Variants in WWOX observed in about 807,000 individuals in gnomAD.
The protein encoded by WWOX is WW domain-containing oxidoreductase.
Under a neutral mutation model 46.2 loss-of-function variants are expected in WWOX, and 69 were observed. That is an observed-to-expected ratio of 1.49 (90% confidence interval 1.23 to 1.82). WWOX has a LOEUF of 1.82. WWOX is among the 40% of genes most tolerant of loss of function. The pLI is 0.00. For synonymous variants in WWOX, 359 were observed against 202.6 expected, an observed-to-expected ratio of 1.77 and a Z score of -6.56; for missense variants, 919 against 542.6, an observed-to-expected ratio of 1.69 and a Z score of -6.89.
At chr16:78,420,355 G>A (rs932440077) in intron 6 of WWOX, among the ~76,000 whole-genome samples, 1 of 152,024 alleles carries the variant, frequency 6.6e-6, no homozygotes, top group African/African-American at 2.4e-5. Flanking sequence ...GCCAATAAAT[G>A]GAAACAATCC....
At chr16:79,020,286 A>G (rs1045263366) in intron 8 of WWOX, among the ~76,000 whole-genome samples, 2 of 152,214 alleles carry the variant, frequency 1.3e-5, no homozygotes, top group African/African-American at 2.4e-5. Context: ...GCAGTCATGG[A>G]AGACTTCTTA....
intron 3 of WWOX, among the ~76,000 whole-genome samples, chr16:78,112,754 C>G (rs2032570389): frequency 6.8e-6 from 1 of 147,960 alleles, no homozygotes; most frequent in Non-Finnish European, 1.5e-5. Context: ...GGCTGAGGTG[C>G]AGTGACACAG....
chr16:79,199,568 A>G (rs1275046172), intron 8 of WWOX, among the ~76,000 whole-genome samples: 2 of 152,284 alleles, frequency 1.3e-5, no homozygotes, highest in African/African-American at 4.8e-5. Context: ...TATTAATACA[A>G]TGAGACTGTA....
At chr16:78,765,320 T>C (rs956831824) in intron 8 of WWOX, among the ~76,000 whole-genome samples, 1 of 152,188 alleles carries the variant, frequency 6.6e-6, no homozygotes, top group Non-Finnish European at 1.5e-5. Context: ...GGTAGAGGCG[T>C]TGAACACTAG....
intron 5 of WWOX, among the ~76,000 whole-genome samples, chr16:78,298,726 G>C (rs1049379321): frequency 5.3e-5 from 8 of 151,836 alleles, no homozygotes; most frequent in Non-Finnish European, 1.0e-4. Context: ...GGGAGGCGGA[G>C]GTTGTGGTGA....
At chr16:78,613,699 G>C (rs1374239986) in intron 8 of WWOX, among the ~76,000 whole-genome samples, 3 of 152,188 alleles carry the variant, frequency 2.0e-5, no homozygotes, top group African/African-American at 7.2e-5. Context: ...GTGACTGGAG[G>C]AAGGCCCCAG....
At chr16:78,759,207 C>A (rs75712047) in intron 8 of WWOX, among the ~76,000 whole-genome samples, 5,224 of 152,200 alleles carry the variant, frequency 0.034, 129 homozygotes, top group Non-Finnish European at 0.051. Flanking sequence ...AGTGTTAGAA[C>A]AGGGTAATCA....
At chr16:78,957,397 A>G (rs2046189087) in intron 8 of WWOX, among the ~76,000 whole-genome samples, 2 of 152,204 alleles carry the variant, frequency 1.3e-5, no homozygotes, top group South Asian at 4.1e-4. Context: ...CTTTAGTTGT[A>G]AAAACACCCA....
intron 5 of WWOX, among the ~76,000 whole-genome samples, chr16:78,179,180 G>A (rs2035449101): frequency 6.6e-6 from 1 of 152,204 alleles, no homozygotes; most frequent in Non-Finnish European, 1.5e-5. Flanking sequence ...TTTCAGTCAT[G>A]TATGATCCAT....
intron 8 of WWOX, among the ~76,000 whole-genome samples, chr16:79,034,702 T>C (rs984547747): frequency 3.3e-5 from 5 of 152,240 alleles, no homozygotes; most frequent in Non-Finnish European, 7.4e-5. Context: ...AAGCACTTAA[T>C]TATTTAAAAA....
At chr16:78,511,786 A>C (rs766128870) in intron 8 of WWOX, among the ~76,000 whole-genome samples, 13 of 152,098 alleles carry the variant, frequency 8.5e-5, no homozygotes, top group Non-Finnish European at 1.8e-4. Flanking sequence ...CCTCAGCTGG[A>C]CTCGATACTT....
intron 5 of WWOX, among the ~76,000 whole-genome samples, chr16:78,302,428 G>A (rs1285036370): frequency 1.3e-5 from 2 of 152,168 alleles, no homozygotes; most frequent in Admixed American, 1.3e-4. Context: ...ACAAGCCACA[G>A]CTATAGGTTT....
At chr16:79,200,134 C>T (rs1454738558) in intron 8 of WWOX, among the ~76,000 whole-genome samples, 1 of 152,156 alleles carries the variant, frequency 6.6e-6, no homozygotes, top group African/African-American at 2.4e-5. Context: ...GGGGAGGCAC[C>T]ATAGACCCCT....
intron 5 of WWOX, among the ~76,000 whole-genome samples, chr16:78,178,043 T>C (rs2035406135): frequency 6.6e-6 from 1 of 152,220 alleles, no homozygotes; most frequent in Non-Finnish European, 1.5e-5. Context: ...GACATGTGTT[T>C]ACTTATCTGC....
At chr16:78,943,920 C>T (rs931459808) in intron 8 of WWOX, among the ~76,000 whole-genome samples, 1 of 152,192 alleles carries the variant, frequency 6.6e-6, no homozygotes, top group Admixed American at 6.5e-5. Flanking sequence ...ATCATTCCTG[C>T]TACCCAAGGC....
intron 8 of WWOX, among the ~76,000 whole-genome samples, chr16:78,833,498 A>C (rs73577477): frequency 0.013 from 2,016 of 152,146 alleles, 49 homozygotes; most frequent in African/African-American, 0.045. Flanking sequence ...GCGAGTTCAG[A>C]AAATTGGGTT....
At chr16:78,363,000 A>T (rs1322267839) in intron 5 of WWOX, among the ~76,000 whole-genome samples, 1 of 152,180 alleles carries the variant, frequency 6.6e-6, no homozygotes, top group African/African-American at 2.4e-5. Context: ...TCAAGTCTTC[A>T]GTTCCATGTG....
intron 8 of WWOX, among the ~76,000 whole-genome samples, chr16:78,572,111 G>C (rs1004260210): frequency 7.9e-5 from 12 of 152,168 alleles, no homozygotes; most frequent in African/African-American, 2.9e-4. Context: ...TGAGAACTAG[G>C]AAAAGCTCAG....
intron 5 of WWOX, among the ~76,000 whole-genome samples, chr16:78,261,774 A>G (rs1597415744): frequency 2.2e-5 from 1 of 45,780 alleles, no homozygotes; most frequent in Admixed American, 2.0e-4. Flanking sequence ...CTATCTATGT[A>G]TCTATCTATC....
Sources: allele counts gnomAD v4.1 joint callset (sites outside exome capture counted in the v4.1 genomes callset), GRCh38; gene constraint gnomAD v4.1.1; transcripts MANE v1.5; gene names NCBI Gene and HGNC (gene_info 2026-07-23, HGNC 2026-07-21).